The following ST3GAL3 variants were observed in gnomAD, a reference collection of about 807,000 sequenced individuals.
ST3GAL3 encodes the protein CMP-N-acetylneuraminate-beta-1,4-galactoside alpha-2,3-sialyltransferase.
Under a neutral mutation model 50.1 loss-of-function variants are expected in ST3GAL3, and 21 were observed. That is an observed-to-expected ratio of 0.42 (90% CI 0.30 to 0.60). The LOEUF is 0.60. ST3GAL3 is among the 20% of genes least tolerant of loss of function. ST3GAL3 has a pLI of 0.19. For synonymous variants in ST3GAL3, 183 were observed against 190.0 expected (o/e 0.96, Z 0.30); for missense variants, 353 against 489.4 (o/e 0.72, Z 2.63).
chr1:43,727,123 T>A (rs1323205737), intron 1 of ST3GAL3: 3 of 152,186 alleles, frequency 2.0e-5, no homozygotes, highest in Non-Finnish European at 4.4e-5. Context: ...GCTGAATTGC[T>A]CCAGATCTGA....
At chr1:43,856,515 G>A (rs1481011775) in intron 5 of ST3GAL3, among the ~76,000 whole-genome samples, 1 of 152,190 alleles carries the variant, frequency 6.6e-6, no homozygotes, top group Admixed American at 6.5e-5. Flanking sequence ...AATATTTTCA[G>A]TAGGTACCTG....
intron 1 of ST3GAL3, among the ~76,000 whole-genome samples, chr1:43,719,506 C>G (rs913601032): frequency 6.6e-6 from 1 of 151,682 alleles, no homozygotes; most frequent in Non-Finnish European, 1.5e-5. Context: ...TGCTAAAATA[C>G]AAAAACAAAT....
intron 4 of ST3GAL3, among the ~76,000 whole-genome samples, chr1:43,836,790 A>G (rs1201301256): frequency 6.6e-6 from 1 of 152,210 alleles, no homozygotes; most frequent in Non-Finnish European, 1.5e-5. Flanking sequence ...TTTGGCTGTG[A>G]TCTTCTCTAG....
chr1:43,866,664 A>T (rs908265077), intron 5 of ST3GAL3, among the ~76,000 whole-genome samples: 3 of 152,114 alleles, frequency 2.0e-5, no homozygotes, highest in African/African-American at 7.2e-5. Context: ...GGGAATACAT[A>T]AACTGAGAAC....
intron 9 of ST3GAL3, among the ~76,000 whole-genome samples, chr1:43,903,399 A>T (rs1426219291): frequency 2.0e-5 from 3 of 152,096 alleles, no homozygotes; most frequent in Non-Finnish European, 4.4e-5. Flanking sequence ...TCAGCAGGCC[A>T]CAGAAGCCCC....
intron 9 of ST3GAL3, chr1:43,912,867 TGAA>T (rs2081171546): frequency 6.6e-6 from 1 of 152,258 alleles, no homozygotes; most frequent in Non-Finnish European, 1.5e-5. Flanking sequence ...GGGACATTCC[TGAA>T]GGAGGAGGGA....
intron 1 of ST3GAL3, among the ~76,000 whole-genome samples, chr1:43,712,684 G>C (rs1665377760): frequency 6.6e-6 from 1 of 152,206 alleles, no homozygotes; most frequent in African/African-American, 2.4e-5. Flanking sequence ...GTTCACATCT[G>C]ACCTACATCT....
chr1:43,718,589 CCTT>C (rs528313757), intron 1 of ST3GAL3, among the ~76,000 whole-genome samples: 78 of 149,952 alleles, frequency 5.2e-4, no homozygotes, highest in African/African-American at 1.7e-3. Flanking sequence ...TGTGTTTTTC[CCTT>C]CTTCTCCCTC....
intron 4 of ST3GAL3, chr1:43,815,138 C>G: frequency 1.6e-6 from 1 of 629,822 alleles, no homozygotes; most frequent in Non-Finnish European, 2.8e-6. Flanking sequence ...AAACATAAGG[C>G]CTTCGATTTG....
intron 2 of ST3GAL3, among the ~76,000 whole-genome samples, chr1:43,770,926 C>G (rs576217357): frequency 6.6e-6 from 1 of 152,236 alleles, no homozygotes; most frequent in African/African-American, 2.4e-5. Flanking sequence ...AACGTCCTCT[C>G]ATGGCCTACA....
At chr1:43,834,535 C>T (rs1425825191) in intron 4 of ST3GAL3, among the ~76,000 whole-genome samples, 1 of 152,208 alleles carries the variant, frequency 6.6e-6, no homozygotes, top group Non-Finnish European at 1.5e-5. Context: ...CAGTGTGTGA[C>T]GCAGTTGGTC....
intron 4 of ST3GAL3, among the ~76,000 whole-genome samples, chr1:43,817,422 CCTTCTTCTCCTT>C (rs2061404044): frequency 7.4e-4 from 2 of 2,688 alleles, no homozygotes; most frequent in African/African-American, 4.7e-3. Flanking sequence ...TCCTCCTTCT[CCTTCTTCTCCTT>C]CTTCCTTCTC....
At chr1:43,758,752 C>T (rs1689068644) in intron 2 of ST3GAL3, among the ~76,000 whole-genome samples, 2 of 151,994 alleles carry the variant, frequency 1.3e-5, no homozygotes, top group South Asian at 4.1e-4. Context: ...AGAGGTCAGG[C>T]ATGATAGTTC....
intron 5 of ST3GAL3, among the ~76,000 whole-genome samples, chr1:43,875,101 T>C (rs1356803460): frequency 6.6e-6 from 1 of 152,164 alleles, no homozygotes; most frequent in Admixed American, 6.5e-5. Flanking sequence ...TGAGGGTGAA[T>C]GCAAAGAAGT....
At chr1:43,822,618 T>C (rs1321862779) in intron 4 of ST3GAL3, among the ~76,000 whole-genome samples, 2 of 152,194 alleles carry the variant, frequency 1.3e-5, no homozygotes, top group Non-Finnish European at 2.9e-5. Flanking sequence ...TAAAACAGCC[T>C]GTCAAGTTCC....
chr1:43,804,575 A>G (rs556756997), intron 3 of ST3GAL3, among the ~76,000 whole-genome samples: 1 of 152,160 alleles, frequency 6.6e-6, no homozygotes, highest in East Asian at 1.9e-4. Flanking sequence ...AGGCCTTTAT[A>G]CATGATGGGA....
rs540235360 is a variant in ST3GAL3, at chr1:43,736,181, A to G, written c.-30-52A>G. The G allele has an allele frequency of 2.0e-6, 3 of 1,500,468 alleles. No homozygotes were observed. In the South Asian group the frequency reaches 3.4e-5, roughly 17 times the overall value. The allele number at this position is 1,500,468 out of a possible 1,614,324, so 92.9% of individuals were successfully genotyped here. Reference sequence around the variant, plus strand: ...CTATAGATACTTTAAGAGAGAATATATCAATAAGATGAGTGCTTTGTCTTT... The same window carrying G: ...CTATAGATACTTTAAGAGAGAATATGTCAATAAGATGAGTGCTTTGTCTTT... On this transcript the variant is annotated intron_variant, in intron 1 of 11. Coordinates refer to ENST00000347631, the MANE Select transcript of ST3GAL3 (RefSeq NM_006279.5).
At chr1:43,734,073 T>G (rs1025654136) in intron 1 of ST3GAL3, among the ~76,000 whole-genome samples, 21 of 151,678 alleles carry the variant, frequency 1.4e-4, no homozygotes, top group African/African-American at 5.1e-4. Flanking sequence ...ATCGTGCCAT[T>G]GCACTCCAGC....
intron 9 of ST3GAL3, among the ~76,000 whole-genome samples, chr1:43,906,663 G>A (rs568302726): frequency 1.1e-4 from 16 of 147,958 alleles, no homozygotes; most frequent in African/African-American, 3.5e-4. Context: ...TCCTCTTCCC[G>A]CCACTCTTCC....
Sources: allele counts gnomAD v4.1 joint callset (sites outside exome capture counted in the v4.1 genomes callset), GRCh38; gene constraint gnomAD v4.1.1; transcripts MANE v1.5; gene names NCBI Gene and HGNC (gene_info 2026-07-23, HGNC 2026-07-21).